The following RBPMS2 variants were observed in gnomAD, a reference collection of about 807,000 sequenced individuals.
The protein encoded by RBPMS2 is RNA-binding protein with multiple splicing 2.
RBPMS2 carries 14 observed loss-of-function variants against 25.7 expected under a neutral mutation model. The observed-to-expected ratio is 0.55, with a 90% CI of 0.36 to 0.85. The LOEUF (loss-of-function observed/expected upper bound fraction) is 0.85. Ranked by LOEUF, RBPMS2 falls within the 40% of genes least tolerant of loss-of-function variation. The pLI, the probability that RBPMS2 is intolerant of heterozygous loss-of-function variation, is 0.01. For synonymous variants in RBPMS2, 127 were observed against 115.6 expected (o/e 1.10, Z -0.63); for missense variants, 252 against 283.4 (o/e 0.89, Z 0.80).
intron 1 of RBPMS2, among the ~76,000 whole-genome samples, chr15:64,756,035 C>T (rs1213024204): frequency 6.6e-6 from 1 of 152,172 alleles, no homozygotes; most frequent in Non-Finnish European, 1.5e-5. Flanking sequence ...CTGAGGTACC[C>T]CTCACCTTGA....
In RBPMS2 at chr15:64,775,358, G is replaced by T. The variant is rs1307796544; in HGVS notation, c.-39C>A. 11 of 1,182,416 alleles carry T rather than the reference G, an allele frequency of 9.3e-6. No individual in the cohort carries two copies. In the African/African-American group the frequency reaches 1.5e-4, roughly 16 times the overall value. 73.2% of individuals were successfully genotyped at this position (1,182,416 alleles called of 1,614,324 possible). A position where few individuals can be genotyped will look rare whatever the true frequency, so the allele number is the denominator to read the frequency against. On this transcript the variant is annotated 5_prime_UTR_variant, in exon 1 of 8. Coordinates refer to ENST00000300069, the MANE Select transcript of RBPMS2 (RefSeq NM_194272.3). Reference sequence around the variant, plus strand: ...GGGCGGCGGGAAGGAACGCGAGGGCGAGCGCGGCGCCGGCCCCGCGGGAAG... The same window carrying T: ...GGGCGGCGGGAAGGAACGCGAGGGCTAGCGCGGCGCCGGCCCCGCGGGAAG...
Position 64,741,195 on chromosome 15 carries a change from G to A in RBPMS2, c.615C>T (p.Tyr205=), listed in dbSNP as rs1373571254. The change falls in exon 7 of 8, where the codon TAC becomes TAT. Residue 205 remains tyrosine (Y), a synonymous_variant. Coordinates refer to ENST00000300069, the MANE Select transcript of RBPMS2 (RefSeq NM_194272.3). ...TACTGAAAAACTAACAGAACTGACG[G>A]TACTTCCATCCTTGCTGGGTGGTGT... ...SSDTTQQGWK[Y]RQFC is the part of the protein sequence containing the mutation. The A allele has an allele frequency of 3.8e-6, 6 of 1,587,756 alleles. No homozygotes were observed. The highest frequency in any genetic ancestry group is 1.7e-4 in the Middle Eastern group (1 of 6,032).
In RBPMS2 at chr15:64,749,857, T is replaced by C. The variant is rs191162539; in HGVS notation, c.205-364A>G. 4.5e-4 allele frequency among the ~76,000 whole-genome samples: 69 copies of C among 152,246 alleles called. No homozygotes were observed. The East Asian group carries it at 0.012, about 26-fold the overall frequency. On this transcript the variant is annotated intron_variant, in intron 3 of 7. Transcript: ENST00000300069. ...TCCCCAGCAAGAAAGGGGACACCAATGTATCAAGGGCATGGGAAGACTCCG... is the reference window on the plus strand; with the variant it reads ...TCCCCAGCAAGAAAGGGGACACCAACGTATCAAGGGCATGGGAAGACTCCG...
chr15:64,748,092 A>G (rs2083635501), intron 6 of RBPMS2, among the ~76,000 whole-genome samples: 1 of 152,186 alleles, frequency 6.6e-6, no homozygotes, highest in Non-Finnish European at 1.5e-5. Flanking sequence ...TCCAGAGACC[A>G]TACCCAGGTT....
At chr15:64,747,028 G>T (rs1483948700) in intron 6 of RBPMS2, among the ~76,000 whole-genome samples, 1 of 152,154 alleles carries the variant, frequency 6.6e-6, no homozygotes, top group Non-Finnish European at 1.5e-5. Context: ...ACAGAACCCA[G>T]TTTGCAGTAA....
At chr15:64,745,767 C>T (rs1031725178) in intron 6 of RBPMS2, among the ~76,000 whole-genome samples, 1 of 152,146 alleles carries the variant, frequency 6.6e-6, no homozygotes, top group African/African-American at 2.4e-5. Context: ...CAGAGCAGGA[C>T]CAAACAACCT....
chr15:64,743,397 AG>A (rs2083582440), intron 6 of RBPMS2, among the ~76,000 whole-genome samples: 1 of 152,252 alleles, frequency 6.6e-6, no homozygotes, highest in Non-Finnish European at 1.5e-5. Flanking sequence ...GAGAAAGTGG[AG>A]GAAAGCTCCC....
rs546076151 is a variant in RBPMS2, at chr15:64,774,791, G to C, written c.87+442C>G. Among the ~76,000 whole-genome samples, 93 of 151,604 alleles carry C rather than the reference G, an allele frequency of 6.1e-4. 1 individual carries two copies. The highest frequency in any genetic ancestry group is 3.4e-3 in the Middle Eastern group (1 of 292). ...GGGGGTCAGGGCGGAAAAGGCAGTG[G>C]AGTGAGGGTGCCGCCCTCGGGCCGT... On this transcript the variant is annotated intron_variant, in intron 1 of 7. Transcript: ENST00000300069.
chr15:64,743,695 A>G (rs2083586244), intron 6 of RBPMS2, among the ~76,000 whole-genome samples: 1 of 152,148 alleles, frequency 6.6e-6, no homozygotes. Context: ...CCAGGTTCCG[A>G]GAGGGCTGCT....
At chr15:64,761,378 C>CCAGGGCCTAGGGGTCGAG (rs1281996848) in intron 1 of RBPMS2, among the ~76,000 whole-genome samples, 21 of 152,182 alleles carry the variant, frequency 1.4e-4, no homozygotes, top group Non-Finnish European at 2.1e-4. Context: ...GAGGAGGAAA[C>CCAGGGCCTAGGGGTCGAG]CAGGGCCTAG....
intron 1 of RBPMS2, among the ~76,000 whole-genome samples, chr15:64,758,323 A>G (rs868204773): frequency 1.6e-4 from 25 of 152,352 alleles, no homozygotes; most frequent in Admixed American, 7.2e-4. Flanking sequence ...TATGGCAAGT[A>G]AGAGCAGAAA....
At chr15:64,756,046 C>A (rs540553673) in intron 1 of RBPMS2, among the ~76,000 whole-genome samples, 7 of 152,172 alleles carry the variant, frequency 4.6e-5, no homozygotes, top group Non-Finnish European at 1.0e-4. Context: ...CTCACCTTGA[C>A]TACAGAAAGC....
chr15:64,762,614 G>C, intron 1 of RBPMS2: 1 of 465,316 alleles, frequency 2.1e-6, no homozygotes, highest in South Asian at 1.6e-5. Flanking sequence ...AAAAGACAAA[G>C]AACCTCAAAA....
At chr15:64,770,795 C>A (rs779709512) in intron 1 of RBPMS2, among the ~76,000 whole-genome samples, 11 of 152,120 alleles carry the variant, frequency 7.2e-5, no homozygotes, top group South Asian at 2.1e-4. Context: ...CCCCCCTCCC[C>A]GTTCCATCCA....
chr15:64,753,027 G>A (rs1470908042), intron 1 of RBPMS2, among the ~76,000 whole-genome samples: 1 of 152,206 alleles, frequency 6.6e-6, no homozygotes, highest in Non-Finnish European at 1.5e-5. Context: ...GGCACCGGAT[G>A]CTAAACTAGC....
At chr15:64,760,291 G>A (rs2141069985) in intron 1 of RBPMS2, among the ~76,000 whole-genome samples, 1 of 152,330 alleles carries the variant, frequency 6.6e-6, no homozygotes, top group South Asian at 2.1e-4. Flanking sequence ...CTGCGGCCTG[G>A]CCGCTCACCA....
At chr15:64,759,442 G>T (rs2083762237) in intron 1 of RBPMS2, among the ~76,000 whole-genome samples, 1 of 152,056 alleles carries the variant, frequency 6.6e-6, no homozygotes, top group African/African-American at 2.4e-5. Flanking sequence ...CAGCCTAGAG[G>T]TTAAGGGGTC....
chr15:64,749,616 C>G, intron 3 of RBPMS2, 123 bp from the exon 4 acceptor site: 1 of 858,106 alleles, frequency 1.2e-6, no homozygotes, highest in Non-Finnish European at 1.7e-6. Flanking sequence ...GATGAGAATA[C>G]AAAAGGAAAA....
rs769657830 is a variant in RBPMS2 at position 64,751,534 on chromosome 15, C to T, written c.165+27G>A. On this transcript the variant is annotated intron_variant, in intron 2 of 7. Coordinates refer to ENST00000300069, the MANE Select transcript of RBPMS2 (RefSeq NM_194272.3). ...GCTTCTCCAGGGTCCCAGGCTCTAC[C>T]CAGGGGGCGGCTGGGTCCTGACTCA... 3.1e-6 allele frequency: 5 copies of T among 1,607,684 alleles called. No individual in the cohort carries two copies. The East Asian group carries it at 8.9e-5, about 29-fold the overall frequency.
Sources: allele counts gnomAD v4.1 joint callset (sites outside exome capture counted in the v4.1 genomes callset), GRCh38; gene constraint gnomAD v4.1.1; transcripts MANE v1.5; gene names NCBI Gene and HGNC (gene_info 2026-07-23, HGNC 2026-07-21).